Variants in RASAL3 observed in about 807,000 individuals in gnomAD.
RASAL3 encodes the protein RAS protein activator like-3.
Under a neutral mutation model 105.5 loss-of-function variants are expected in RASAL3, and 74 were observed. The ratio of observed to expected loss-of-function variants is 0.70; its 90% CI spans 0.58 to 0.85. The LOEUF (loss-of-function observed/expected upper bound fraction) is 0.85. Ranked by LOEUF, RASAL3 falls within the 40% of genes least tolerant of loss-of-function variation. The pLI is 0.00. For synonymous variants in RASAL3, 579 were observed against 591.6 expected (o/e 0.98, Z 0.31); for missense variants, 1,352 against 1,392.0 (o/e 0.97, Z 0.46).
At position 15,453,371 on chromosome 19, in the gene RASAL3, C is replaced by G; in HGVS notation, c.2406G>C (p.Pro802=). 6.9e-7 allele frequency: 1 copy of G among 1,449,686 alleles called. No individual in the cohort carries two copies. The highest frequency in any genetic ancestry group is 9.0e-7 in the Non-Finnish European group (1 of 1,107,522). The allele number at this position is 1,449,686 out of a possible 1,614,324, so 89.8% of individuals were successfully genotyped here. Residue 802 remains proline, a synonymous_variant, in exon 15 of 18, where the codon CCG becomes CCC. Transcript: ENST00000343625. This position sits in a 1 kb window ranked among gnomAD's most constrained non-coding sequence, Gnocchi z 4.2. ...RRSESWARPR[P]DEERPLRRPR... is the part of the protein sequence containing the mutation. ...GCCGCCGCAGGGGCCGCTCTTCGTC[C>G]GGCCGTGGCCGGGCCCAACTCTCTG...
Position 15,453,224 on chromosome 19 carries a change from C to T in RASAL3, c.2553G>A (p.Arg851=), listed in dbSNP as rs1359212720. The T allele has an allele frequency of 1.9e-6, 3 of 1,603,676 alleles. No homozygotes were observed. Among genetic ancestry groups the T allele is most frequent in the African/African-American group, 1.3e-5 (1 of 74,724 alleles). Residue 851 remains arginine (R), a synonymous_variant, in exon 15 of 18, where the codon CGG becomes CGA. Transcript: ENST00000343625. The surrounding 1 kb of genome is among the most constrained non-coding windows in gnomAD (Gnocchi z 4.2). Reference sequence around the variant, plus strand: ...GCGAGGCGGAGTCCCGGGTCCAAGGCCGGGCGCGGGGCGCTGGTCCCATGC... The same window carrying T: ...GCGAGGCGGAGTCCCGGGTCCAAGGTCGGGCGCGGGGCGCTGGTCCCATGC... ...SLSMGPAPRA[R]PWTRDSASLP...
chr19:15,452,855 G>C (rs1330438147), intron 15 of RASAL3, 40 bp from the exon 16 acceptor site: 2 of 1,495,422 alleles, frequency 1.3e-6, no homozygotes, highest in Non-Finnish European at 9.0e-7. Flanking sequence ...CCGTTGTCCC[G>C]CCCCTGTGTC....
Position 15,457,803 on chromosome 19 carries a change from C to G in RASAL3, c.920G>C (p.Ser307Thr). 4 of 1,548,884 alleles carry G rather than the reference C, an allele frequency of 2.6e-6. No individual in the cohort carries two copies. In the South Asian group the frequency reaches 4.8e-5, roughly 18 times the overall value. Reference sequence around the variant, plus strand: ...CCCCTTCGCTTCGTGCACCCACACGCTCAGCCATGTCTCTTCCCGCTCCAC... The same window carrying G: ...CCCCTTCGCTTCGTGCACCCACACGGTCAGCCATGTCTCTTCCCGCTCCAC... The part of the protein sequence containing the change: ...DNVEREETWL[S>T]VWVHEAKGLP... Residue 307 changes from serine (S) to threonine (T), a missense_variant, in exon 9 of 18, where the codon AGC (serine) becomes ACC (threonine). Ser to Thr is a moderately conservative substitution (Grantham distance 58). This residue lies in a region of RASAL3 where 88 missense variants were observed against 132.7 expected (regional missense o/e 0.66). Transcript: ENST00000343625. This position sits in a 1 kb window ranked among gnomAD's most constrained non-coding sequence, Gnocchi z 8.6.
In RASAL3 at chr19:15,456,856, T is replaced by G. The variant is rs1970338257; in HGVS notation, c.1432-210A>C. 3.2e-6 allele frequency: 2 copies of G among 627,174 alleles called. No homozygotes were observed. The highest frequency in any genetic ancestry group is 4.4e-4 in the Middle Eastern group (1 of 2,274). The allele number at this position is 627,174 out of a possible 1,614,324, so 38.9% of individuals were successfully genotyped here. ...AGCCTTTCAGCGCTGAGGTGCAACC[T>G]GGGCCCCGCCCCTCACGCGTGATGC... On this transcript the variant is annotated intron_variant, in intron 9 of 17. Transcript: ENST00000343625. The surrounding 1 kb of genome is among the most constrained non-coding windows in gnomAD (Gnocchi z 4.4).
chr19:15,461,976 TTC>T (rs964238884), intron 2 of RASAL3, among the ~76,000 whole-genome samples: 2 of 152,264 alleles, frequency 1.3e-5, no homozygotes, highest in Middle Eastern at 3.4e-3. Flanking sequence ...ACAAGCATTC[TTC>T]TCTCTCTCTC....
At position 15,452,645 on chromosome 19, in the gene RASAL3, G is replaced by A. The variant is rs1321654999; in HGVS notation, c.2828+13C>T. The A allele has an allele frequency of 2.0e-6, 3 of 1,534,748 alleles. No individual in the cohort carries two copies. The African/African-American group carries it at 4.1e-5, about 21-fold the overall frequency. On this transcript the variant is annotated intron_variant, in intron 16 of 17. Transcript: ENST00000343625. ...CACCTGGGGGCGGAGCTAATGGAGAGGGCTGGGCTCACCCAGCACGGAGCC... is the reference window on the plus strand; with the variant it reads ...CACCTGGGGGCGGAGCTAATGGAGAAGGCTGGGCTCACCCAGCACGGAGCC...
Position 15,456,139 on chromosome 19 carries a change from G to A in RASAL3, c.1686C>T (p.Cys562=), listed in dbSNP as rs113585379. Residue 562 remains cysteine (C), a synonymous_variant, in exon 11 of 18, where the codon TGC becomes TGT. Coordinates refer to ENST00000343625, the MANE Select transcript of RASAL3 (RefSeq NM_022904.3). The surrounding 1 kb of genome is among the most constrained non-coding windows in gnomAD (Gnocchi z 4.4). ...PEHQARLRNS[C]EEVFETIIHS... ...GGATAATGGTTTCGAAGACCTCCTC[G>A]CAGCTGTTCCGAAGTCTGGCCTGGT... 2.9e-3 allele frequency: 4,704 copies of A among 1,613,760 alleles called. 118 individuals are homozygous for A. The African/African-American group carries it at 0.055, about 19-fold the overall frequency.
In RASAL3 at chr19:15,456,974, A is replaced by G. The variant is rs1471952498; in HGVS notation, c.1431+318T>C. The G allele has an allele frequency of 4.4e-6, 2 of 458,862 alleles. No individual in the cohort carries two copies. The highest frequency in any genetic ancestry group is 7.9e-6 in the Non-Finnish European group (2 of 254,716). The allele number at this position is 458,862 out of a possible 1,614,324, so 28.4% of individuals were successfully genotyped here. On this transcript the variant is annotated intron_variant, in intron 9 of 17. Coordinates refer to ENST00000343625, the MANE Select transcript of RASAL3 (RefSeq NM_022904.3). The surrounding 1 kb of genome is among the most constrained non-coding windows in gnomAD (Gnocchi z 4.4). ...ATTAGGCCCCGCCCCTCACAGCTGA[A>G]GCTCAGGCCCAGTCCTTCAAGGTGC... is the stretch of plus-strand genomic sequence containing the variant.
Position 15,454,415 on chromosome 19 carries a change from G to C in RASAL3, c.2106C>G (p.Leu702=), listed in dbSNP as rs12462462. ...GCTGGGCATGCAGGACAGCTAACTG[G>C]AGGGCCAGATCACCACTGCCCTGGT... The part of the protein sequence containing the change: ...SGYQGSGDLA[L]QLAVLHAQLC... The change falls in exon 13 of 18, where the codon CTC becomes CTG. Residue 702 remains leucine (L), a synonymous_variant. Transcript: ENST00000343625. 5,287 of 1,613,942 alleles carry C rather than the reference G, an allele frequency of 3.3e-3. 17 individuals carry two copies. Among genetic ancestry groups the C allele is most frequent in the Non-Finnish European group, 3.9e-3 (4,596 of 1,179,846 alleles).
chr19:15,455,934 A>T (rs941798245), intron 11 of RASAL3, among the ~76,000 whole-genome samples, 170 bp downstream of exon 11: 4 of 152,174 alleles, frequency 2.6e-5, no homozygotes, highest in African/African-American at 9.7e-5. Context: ...TACGGGCGTG[A>T]GTCACCATGC....
At chr19:15,454,635 C>A in intron 12 of RASAL3, 22 bp downstream of exon 12, 1 of 1,610,788 alleles carries the variant, frequency 6.2e-7, no homozygotes, top group Non-Finnish European at 8.5e-7. Flanking sequence ...GGTCCCCCCA[C>A]CCCTAGCTTC....
chr19:15,462,485 C>CAAAACAAAAACA (rs148793585), intron 2 of RASAL3, among the ~76,000 whole-genome samples: 64,937 of 149,312 alleles, frequency 0.43, 14,486 homozygotes, highest in Non-Finnish European at 0.49. Context: ...GACTGTGTCT[C>CAAAACAAAAACA]AAAACAAAAA....
At position 15,454,364 on chromosome 19, in the gene RASAL3, G is replaced by A. The variant is rs1179428643; in HGVS notation, c.2157C>T (p.Asp719=). The A allele has an allele frequency of 6.2e-7, 1 of 1,610,340 alleles. No individual in the cohort carries two copies. The highest frequency in any genetic ancestry group is 1.1e-5 in the South Asian group (1 of 90,514). The part of the protein sequence containing the change: ...AQLCTIFAEL[D]QTTRDTLEPL... ...CTACTCTGGGTTCAGGCCATACCTG[G>A]TCAAGCTCAGCAAAAATTGTACAGA... is the stretch of plus-strand genomic sequence containing the variant. The change falls in exon 13 of 18, where the codon GAC becomes GAT. Residue 719 remains aspartate (D), a synonymous_variant. Coordinates refer to ENST00000343625, the MANE Select transcript of RASAL3 (RefSeq NM_022904.3).
In RASAL3 at chr19:15,452,104, A is replaced by C; in HGVS notation, c.2833T>G (p.Ser945Ala). 1 of 1,613,782 alleles carries C rather than the reference A, an allele frequency of 6.2e-7. No homozygotes were observed. Among genetic ancestry groups the C allele is most frequent in the Non-Finnish European group, 8.5e-7 (1 of 1,179,842 alleles). Residue 945 changes from serine (S) to alanine (A), a missense_variant, in exon 17 of 18, where the codon TCA (serine) becomes GCA (alanine). Physicochemically the swap from Ser to Ala is moderately conservative, Grantham distance 99. Around this residue, in one of 3 missense-constraint regions of RASAL3, gnomAD observed 920 missense variants for 919.6 expected, o/e 1.00. Transcript: ENST00000343625. ...DLDSRLRAGS[S>A]EFDSEHNLTS... The stretch of plus-strand genomic sequence containing the variant: ...AGGTTGTGCTCTGAATCAAACTCTG[A>C]GCTCCTGTGGGGGTCGGGGGATTGG...
At position 15,454,871 on chromosome 19, in the gene RASAL3, T is replaced by C; in HGVS notation, c.1744A>G (p.Ile582Val). The C allele has an allele frequency of 4.5e-6, 7 of 1,565,980 alleles. No homozygotes were observed. Among genetic ancestry groups the C allele is most frequent in the Non-Finnish European group, 6.1e-6 (7 of 1,156,274 alleles). Residue 582 changes from isoleucine (I) to valine (V), a missense_variant, in exon 12 of 18, where the codon ATC becomes GTC. Physicochemically the swap from Ile to Val is conservative, Grantham distance 29 (BLOSUM62 3). This residue lies in a region of RASAL3 where 920 missense variants were observed against 919.6 expected (regional missense o/e 1.00). Transcript: ENST00000343625. ...SYDWFPAELG[I>V]VFSSWREACK... Reference sequence around the variant, plus strand: ...GCTTCTCGCCAGCTTGAGAACACGATGCCCAGCTCCGCAGGGAACCAGCTG... The same window carrying C: ...GCTTCTCGCCAGCTTGAGAACACGACGCCCAGCTCCGCAGGGAACCAGCTG...
At chr19:15,452,581 G>GC in intron 16 of RASAL3, 77 bp downstream of exon 16, 1 of 1,206,412 alleles carries the variant, frequency 8.3e-7, no homozygotes, top group Admixed American at 3.1e-5. Context: ...GGTTTGGGGG[G>GC]GGGGGGGAGG....
chr19:15,456,657 CAGG>C lies in RASAL3; in HGVS notation c.1432-14_1432-12del, dbSNP rs758265536. 13 of 1,609,100 alleles carry C rather than the reference CAGG, an allele frequency of 8.1e-6. No individual in the cohort carries two copies. The East Asian group carries it at 2.5e-4, about 30-fold the overall frequency. Reference sequence around the variant, plus strand: ...GTCAGTCACCAGCGCCTAGGAAGGGCAGGAGGTCAGGTTGCACCAGATGCAGAC... The same window carrying C: ...GTCAGTCACCAGCGCCTAGGAAGGGCAGGTCAGGTTGCACCAGATGCAGAC... On this transcript the variant is annotated splice_polypyrimidine_tract_variant and intron_variant, in intron 9 of 17. Transcript: ENST00000343625. This position sits in a 1 kb window ranked among gnomAD's most constrained non-coding sequence, Gnocchi z 4.4.
chr19:15,458,159 G>A, intron 8 of RASAL3, 169 bp downstream of exon 8: 2 of 677,276 alleles, frequency 3.0e-6, no homozygotes, highest in Admixed American at 2.4e-5. Context: ...TGATATTCCC[G>A]GGGCTGGTAA....
intron 6 of RASAL3, among the ~76,000 whole-genome samples, chr19:15,458,876 C>G (rs926401531): frequency 6.7e-6 from 1 of 150,352 alleles, no homozygotes; most frequent in Non-Finnish European, 1.5e-5. Flanking sequence ...GTCACCTCAT[C>G]TCCCTCCACC....
Sources: allele counts gnomAD v4.1 joint callset (sites outside exome capture counted in the v4.1 genomes callset), GRCh38; gene constraint gnomAD v4.1.1; regional missense constraint gnomAD v4.1.1; non-coding constraint Gnocchi (gnomAD v3.1); transcripts MANE v1.5; gene names NCBI Gene and HGNC (gene_info 2026-07-23, HGNC 2026-07-21).